Variants in ANK2 observed in about 807,000 individuals in gnomAD.
ANK2 encodes ankyrin-2.
Under a neutral mutation model 360.5 loss-of-function variants are expected in ANK2, and 83 were observed. The observed-to-expected ratio is 0.23, with a 90% CI of 0.19 to 0.28. The LOEUF (loss-of-function observed/expected upper bound fraction) is 0.28, where lower values mean the gene tolerates loss of function less well. Among genes scored for constraint, ANK2 ranks in the 10% least tolerant of loss-of-function variants. The pLI is 1.00. For missense variants in ANK2, 4,201 were observed against 4,795.7 expected (o/e 0.88, Z 3.66); for synonymous variants, 1,740 against 1,759.5 (o/e 0.99, Z 0.28).
intron 2 of ANK2, among the ~76,000 whole-genome samples, chr4:113,020,819 C>T (rs2057861657): frequency 1.5e-5 from 1 of 68,932 alleles, no homozygotes; most frequent in African/African-American, 4.7e-5. Flanking sequence ...GAGTGAGACT[C>T]TGTCTCAAAA....
chr4:113,263,187 G>GAAAAAAAAAAAAAAAAAAAAAAAA (rs762758720), intron 13 of ANK2, among the ~76,000 whole-genome samples: 2 of 63,624 alleles, frequency 3.1e-5, no homozygotes, highest in African/African-American at 5.8e-5. Flanking sequence ...GACTCTGTCT[G>GAAAAAAAAAAAAAAAAAAAAAAAA]AAAAAAAAAA....
chr4:112,935,873 A>T (rs1319848687), intron 2 of ANK2, among the ~76,000 whole-genome samples: 1 of 143,404 alleles, frequency 7.0e-6, no homozygotes. Flanking sequence ...CAAACAAACA[A>T]ACTCAACCAA....
At chr4:112,738,605 A>T in the ANK2 span, 1 of 504,284 alleles carries the variant, frequency 2.0e-6, no homozygotes, top group Non-Finnish European at 3.8e-6. Flanking sequence ...ATTGTGAGTT[A>T]AAAACTACAT....
At chr4:112,914,664 G>C (rs1268054918) in intron 2 of ANK2, among the ~76,000 whole-genome samples, 1 of 152,114 alleles carries the variant, frequency 6.6e-6, no homozygotes, top group African/African-American at 2.4e-5. Flanking sequence ...TCCCTTATTT[G>C]CTTACTTTTC....
chr4:113,239,942 A>G (rs2038817723), intron 7 of ANK2, among the ~76,000 whole-genome samples: 1 of 152,226 alleles, frequency 6.6e-6, no homozygotes, highest in South Asian at 2.1e-4. Flanking sequence ...AAAAGGGTAT[A>G]GGAATATCAT....
At chr4:113,226,302 C>A (rs1180717488) in intron 4 of ANK2, among the ~76,000 whole-genome samples, 1 of 152,152 alleles carries the variant, frequency 6.6e-6, no homozygotes, top group South Asian at 2.1e-4. Flanking sequence ...CTCCTCAGCA[C>A]GGCAGACAGG....
intron 1 of ANK2, among the ~76,000 whole-genome samples, chr4:113,131,209 G>C (rs2096008642): frequency 6.6e-6 from 1 of 152,142 alleles, no homozygotes; most frequent in Non-Finnish European, 1.5e-5. Flanking sequence ...ACTACTTCAG[G>C]CTGGCAATCC....
Position 112,883,844 on chromosome 4 carries a change from A to T in ANK2, c.-39-20611A>T, listed in dbSNP as rs975326279. Among the ~76,000 whole-genome samples, 25 of 138,350 alleles carry T rather than the reference A, an allele frequency of 1.8e-4. No individual in the cohort carries two copies. In the East Asian group the frequency reaches 9.5e-3, roughly 53 times the overall value. 90.8% of individuals were successfully genotyped at this position (138,350 alleles called of 152,430 possible). On this transcript the variant is annotated intron_variant, in intron 1 of 30. Transcript: ENST00000503271. ...AATGTTTACATTATAAATATATATAAAAATATCATTCATTCATATATATAT... is the reference window on the plus strand; with the variant it reads ...AATGTTTACATTATAAATATATATATAAATATCATTCATTCATATATATAT...
chr4:113,135,409 G>C (rs2096337735), intron 1 of ANK2, among the ~76,000 whole-genome samples: 1 of 151,950 alleles, frequency 6.6e-6, no homozygotes, highest in South Asian at 2.1e-4. Context: ...AACCAATAAT[G>C]AAAGAATGCA....
chr4:112,887,474 T>A (rs143521683), intron 1 of ANK2, among the ~76,000 whole-genome samples: 5 of 152,354 alleles, frequency 3.3e-5, no homozygotes, highest in African/African-American at 1.2e-4. Context: ...GATGTGTTTA[T>A]CAGCACATAG....
chr4:112,875,561 C>A (rs879851421), intron 1 of ANK2, among the ~76,000 whole-genome samples: 2 of 152,016 alleles, frequency 1.3e-5, no homozygotes, highest in Non-Finnish European at 2.9e-5. Flanking sequence ...ATCTTGAACT[C>A]CTACCCTCAA....
the ANK2 span, among the ~76,000 whole-genome samples, chr4:112,766,018 C>T: frequency 6.6e-6 from 1 of 152,080 alleles, no homozygotes; most frequent in African/African-American, 2.4e-5. Context: ...TGTGATACAC[C>T]AGCACGTAGT....
At chr4:113,133,909 A>T (rs544857363) in intron 1 of ANK2, among the ~76,000 whole-genome samples, 31 of 152,292 alleles carry the variant, frequency 2.0e-4, no homozygotes, top group African/African-American at 7.5e-4. Context: ...GGGATGAAAA[A>T]TATATATCAC....
intron 23 of ANK2, among the ~76,000 whole-genome samples, chr4:113,309,177 A>G (rs1303147972): frequency 6.6e-6 from 1 of 152,208 alleles, no homozygotes; most frequent in African/African-American, 2.4e-5. Flanking sequence ...GAGAAATTTT[A>G]TATAGCACTG....
intron 14 of ANK2, among the ~76,000 whole-genome samples, chr4:113,265,869 A>C (rs2055697703): frequency 6.6e-6 from 1 of 152,188 alleles, no homozygotes; most frequent in African/African-American, 2.4e-5. Context: ...GTACCATTAT[A>C]ATACAGTGTT....
chr4:113,223,519 A>G (rs2099175239), intron 4 of ANK2, among the ~76,000 whole-genome samples: 1 of 152,186 alleles, frequency 6.6e-6, no homozygotes, highest in Admixed American at 6.5e-5. Context: ...AATTAAGGGT[A>G]TTGTAAAGAT....
intron 1 of ANK2, among the ~76,000 whole-genome samples, chr4:112,823,661 C>T (rs983627326): frequency 2.0e-5 from 3 of 151,886 alleles, no homozygotes; most frequent in Admixed American, 1.3e-4. Flanking sequence ...TGCCTTTAAC[C>T]GATTCCATTT....
chr4:112,949,314 C>G (rs571651256), intron 2 of ANK2, among the ~76,000 whole-genome samples: 1 of 152,112 alleles, frequency 6.6e-6, no homozygotes, highest in Non-Finnish European at 1.5e-5. Flanking sequence ...CATTCTCTTC[C>G]TAAAATTTTC....
At chr4:112,956,066 A>G (rs1380655911) in intron 2 of ANK2, among the ~76,000 whole-genome samples, 2 of 152,226 alleles carry the variant, frequency 1.3e-5, no homozygotes, top group South Asian at 2.1e-4. Context: ...ATATATTTCA[A>G]GATCCCCAGG....
Sources: gnomAD v4.1 joint callset for allele counts (sites outside exome capture counted in the v4.1 genomes callset) on GRCh38, gnomAD v4.1.1 for gene constraint, MANE v1.5 for transcripts, NCBI Gene and HGNC (gene_info 2026-07-23, HGNC 2026-07-21) for gene names.